GDAP1L1: variants seen among roughly 807,000 people sequenced by gnomAD.
GDAP1L1 encodes ganglioside induced differentiation associated protein 1 like 1, also known as ganglioside-induced differentiation-associated protein 1-like 1.
Under a neutral mutation model 37.1 loss-of-function variants are expected in GDAP1L1, and 21 were observed. That is an observed-to-expected ratio of 0.57 (90% CI 0.40 to 0.81). The LOEUF is 0.81. Among genes scored for constraint, GDAP1L1 ranks in the 40% least tolerant of loss-of-function variants. The probability of loss-of-function intolerance (pLI) is 0.00; values close to 1 mark genes in which losing one functional copy is unlikely to be tolerated. For synonymous variants in GDAP1L1, 193 were observed against 209.1 expected, an observed-to-expected ratio of 0.92 and a Z score of 0.67; for missense variants, 362 against 491.6, an observed-to-expected ratio of 0.74 and a Z score of 2.49.
chr20:44,269,338 G>A (rs1278339035), intron 5 of GDAP1L1, among the ~76,000 whole-genome samples: 1 of 152,118 alleles, frequency 6.6e-6, no homozygotes, highest in Admixed American at 6.6e-5. Context: ...CCATCAAGAT[G>A]CACACATTGC....
chr20:44,265,930 T>C (rs2073754930), intron 5 of GDAP1L1, among the ~76,000 whole-genome samples: 2 of 152,174 alleles, frequency 1.3e-5, no homozygotes, highest in Admixed American at 6.5e-5. Flanking sequence ...GACATCATCA[T>C]GCATACTGAA....
chr20:44,273,329 G>T (rs1275756862), intron 5 of GDAP1L1, among the ~76,000 whole-genome samples: 1 of 152,120 alleles, frequency 6.6e-6, no homozygotes, highest in Non-Finnish European at 1.5e-5. Context: ...TCCCTTGCTG[G>T]TTTCTCCATG....
intron 5 of GDAP1L1, among the ~76,000 whole-genome samples, chr20:44,267,411 A>C (rs1182417981): frequency 6.6e-6 from 1 of 152,076 alleles, no homozygotes; most frequent in Non-Finnish European, 1.5e-5. Flanking sequence ...GGAGTTCGAG[A>C]CCAGCCTGGC....
At chr20:44,247,655 AG>A in intron 1 of GDAP1L1, 141 bp downstream of exon 1, 1 of 771,544 alleles carries the variant, frequency 1.3e-6, no homozygotes, top group Non-Finnish European at 2.0e-6. Flanking sequence ...GGGGGACGCA[AG>A]GGTTCCTTCC....
intron 1 of GDAP1L1, among the ~76,000 whole-genome samples, chr20:44,251,139 GT>G (rs2073433522): frequency 6.6e-6 from 1 of 152,164 alleles, no homozygotes; most frequent in Admixed American, 6.5e-5. Flanking sequence ...AAAAGTGAGG[GT>G]ACTGGGAGGT....
intron 1 of GDAP1L1, among the ~76,000 whole-genome samples, chr20:44,249,288 T>C (rs998693687): frequency 1.3e-5 from 2 of 152,184 alleles, no homozygotes; most frequent in Non-Finnish European, 2.9e-5. Flanking sequence ...TCCACTCACT[T>C]TGGCCTCCCA....
chr20:44,278,572 G>A (rs1312016311), intron 5 of GDAP1L1, among the ~76,000 whole-genome samples: 3 of 151,928 alleles, frequency 2.0e-5, no homozygotes, highest in Admixed American at 6.6e-5. Flanking sequence ...GTAGAGATGG[G>A]GTTTCACCAT....
intron 5 of GDAP1L1, among the ~76,000 whole-genome samples, chr20:44,271,796 A>C (rs1281219825): frequency 6.6e-6 from 1 of 152,180 alleles, no homozygotes; most frequent in Non-Finnish European, 1.5e-5. Flanking sequence ...GGCGTGGTTC[A>C]GGCAGGGGCC....
chr20:44,247,570 G>C lies in GDAP1L1; in HGVS notation c.180+56G>C, dbSNP rs1049042812. 38 of 1,422,146 alleles carry C rather than the reference G, an allele frequency of 2.7e-5. No homozygotes were observed. The African/African-American group carries it at 5.1e-4, about 19-fold the overall frequency. 88.1% of individuals were successfully genotyped at this position (1,422,146 alleles called of 1,614,324 possible). A position where few individuals can be genotyped will look rare whatever the true frequency, so the allele number is the denominator to read the frequency against. On this transcript the variant is annotated intron_variant, in intron 1 of 5. Transcript: ENST00000342560. ...GTGGCCAGGAAGCTTGGGGAGGGGAGCCCCAGGGCTTGAGGGATCTGAGGG... is the reference window on the plus strand; with the variant it reads ...GTGGCCAGGAAGCTTGGGGAGGGGACCCCCAGGGCTTGAGGGATCTGAGGG...
At chr20:44,248,413 T>C (rs1258219854) in intron 1 of GDAP1L1, among the ~76,000 whole-genome samples, 3 of 152,282 alleles carry the variant, frequency 2.0e-5, no homozygotes, top group African/African-American at 7.2e-5. Flanking sequence ...CCTGACCTTC[T>C]GACTCCTCTT....
intron 5 of GDAP1L1, among the ~76,000 whole-genome samples, chr20:44,269,030 G>A (rs8124430): frequency 0.079 from 11,963 of 152,144 alleles, 970 homozygotes; most frequent in East Asian, 0.31. Context: ...CAGCTGGGAC[G>A]GCTTGCCTCT....
upstream of GDAP1L1, chr20:44,247,153 G>A: frequency 1.6e-6 from 1 of 637,874 alleles, no homozygotes. Context: ...CCAGGGGGAG[G>A]AGGAGAAAGG....
intron 1 of GDAP1L1, among the ~76,000 whole-genome samples, chr20:44,251,457 C>A (rs1180035977): frequency 6.6e-6 from 1 of 152,220 alleles, no homozygotes; most frequent in Admixed American, 6.5e-5. Context: ...AGTTCAGACA[C>A]CCAGGCATGG....
In GDAP1L1 at chr20:44,267,036, C is replaced by G. The variant is rs550371314; in HGVS notation, c.760+2477C>G. Among the ~76,000 whole-genome samples the G allele has an allele frequency of 4.6e-5, 7 of 152,284 alleles. No homozygotes were observed. In the East Asian group the frequency reaches 9.6e-4, roughly 21 times the overall value. ...GGGCCACATTCAAAGCCATCCTGGGCTGCATGTGGCCCGCGGGCTGCAGGT... is the reference window on the plus strand; with the variant it reads ...GGGCCACATTCAAAGCCATCCTGGGGTGCATGTGGCCCGCGGGCTGCAGGT... On this transcript the variant is annotated intron_variant, in intron 5 of 5. Coordinates refer to ENST00000342560, the MANE Select transcript of GDAP1L1 (RefSeq NM_024034.6).
At chr20:44,278,204 C>T (rs1325640022) in intron 5 of GDAP1L1, among the ~76,000 whole-genome samples, 2 of 150,866 alleles carry the variant, frequency 1.3e-5, no homozygotes, top group East Asian at 1.9e-4. Context: ...ATGGTGGTTC[C>T]GAGGCTTTTG....
At chr20:44,273,687 A>G (rs1366842377) in intron 5 of GDAP1L1, among the ~76,000 whole-genome samples, 1 of 152,120 alleles carries the variant, frequency 6.6e-6, no homozygotes, top group Non-Finnish European at 1.5e-5. Flanking sequence ...CTTTGTATTC[A>G]TGACTGCAAG....
intron 2 of GDAP1L1, among the ~76,000 whole-genome samples, chr20:44,257,914 G>T (rs899092091): frequency 1.3e-5 from 2 of 151,712 alleles, no homozygotes; most frequent in Non-Finnish European, 2.9e-5. Context: ...GGACAGGGGA[G>T]AGCCCAGACA....
Position 44,258,603 on chromosome 20 carries a change from C to A in GDAP1L1, c.543C>A (p.Ile181=). ...SMIPKYATAE[I]RRHLANATTD... is the part of the protein sequence containing the mutation. Reference sequence around the variant, plus strand: ...TCCCCAAGTACGCCACGGCCGAGATCCGCAGTGAGTGCCAGGGCGGCGAGA... The same window carrying A: ...TCCCCAAGTACGCCACGGCCGAGATACGCAGTGAGTGCCAGGGCGGCGAGA... Residue 181 remains isoleucine, a synonymous_variant, in exon 3 of 6, where the codon ATC becomes ATA. Transcript: ENST00000342560. 2 of 1,598,894 alleles carry A rather than the reference C, an allele frequency of 1.3e-6. No homozygotes were observed. Among genetic ancestry groups the A allele is most frequent in the Non-Finnish European group, 1.7e-6 (2 of 1,173,284 alleles).
chr20:44,255,541 CAAAAAAAAA>C (rs60318296), intron 1 of GDAP1L1, among the ~76,000 whole-genome samples: 3 of 45,814 alleles, frequency 6.5e-5, no homozygotes, highest in South Asian at 5.2e-4. Flanking sequence ...GACTCTGTCT[CAAAAAAAAA>C]AAAAAAAAAA....
Sources: allele counts gnomAD v4.1 joint callset (sites outside exome capture counted in the v4.1 genomes callset), GRCh38; gene constraint gnomAD v4.1.1; transcripts MANE v1.5; gene names NCBI Gene and HGNC (gene_info 2026-07-23, HGNC 2026-07-21).